Variants in DPY19L2 observed in about 807,000 individuals in gnomAD.
DPY19L2 encodes probable C-mannosyltransferase DPY19L2.
DPY19L2 carries 34 observed loss-of-function variants against 97.9 expected under a neutral mutation model. That is an observed-to-expected ratio of 0.35 (90% CI 0.26 to 0.46). The LOEUF (loss-of-function observed/expected upper bound fraction) is 0.46. DPY19L2 is among the 20% of genes least tolerant of loss of function. DPY19L2 has a pLI of 1.00. For missense variants in DPY19L2, 623 were observed against 911.4 expected (o/e 0.68, Z 4.07); for synonymous variants, 230 against 307.9 (o/e 0.75, Z 2.65).
At chr12:63,621,158 A>G (rs1888635207) in intron 9 of DPY19L2, 80 bp downstream of exon 9, 1 of 1,176,608 alleles carries the variant, frequency 8.5e-7, no homozygotes, top group Non-Finnish European at 1.2e-6. Flanking sequence ...ACATTTACCT[A>G]CATAACAAAC....
intron 11 of DPY19L2, among the ~76,000 whole-genome samples, chr12:63,609,135 A>T (rs1346752228): frequency 2.0e-5 from 3 of 152,154 alleles, no homozygotes; most frequent in African/African-American, 4.8e-5. Flanking sequence ...TAGAAAAAAT[A>T]TTATTTTTAA....
intron 18 of DPY19L2, among the ~76,000 whole-genome samples, chr12:63,581,543 G>A (rs1880916160): frequency 7.1e-6 from 1 of 140,038 alleles, no homozygotes; most frequent in South Asian, 2.4e-4. Context: ...TAATGCAGTG[G>A]TGTGACCTCA....
At chr12:63,636,636 T>C (rs185905265) in intron 6 of DPY19L2, among the ~76,000 whole-genome samples, 3 of 152,228 alleles carry the variant, frequency 2.0e-5, no homozygotes, top group Admixed American at 6.5e-5. Context: ...GTTGCAATCC[T>C]AGTCTCTGAT....
At chr12:63,637,396 C>G (rs1422472951) in intron 6 of DPY19L2, among the ~76,000 whole-genome samples, 8 of 151,770 alleles carry the variant, frequency 5.3e-5, no homozygotes, top group Non-Finnish European at 1.2e-4. Context: ...ACACAAAAAA[C>G]TCTTTAAAAA....
intron 15 of DPY19L2, among the ~76,000 whole-genome samples, chr12:63,594,650 GTC>G (rs146520521): frequency 0.08 from 9,039 of 113,426 alleles, 523 homozygotes; most frequent in African/African-American, 0.26. Flanking sequence ...GTGTGTGCGT[GTC>G]TGTGTGTGTG....
chr12:63,653,998 A>T (rs537915808), intron 4 of DPY19L2, among the ~76,000 whole-genome samples: 25 of 152,018 alleles, frequency 1.6e-4, no homozygotes, highest in Non-Finnish European at 3.5e-4. Flanking sequence ...AAACTAAAAA[A>T]AAATAAAAAT....
chr12:63,597,097 T>C (rs1884381141), intron 14 of DPY19L2, among the ~76,000 whole-genome samples: 1 of 151,864 alleles, frequency 6.6e-6, no homozygotes, highest in African/African-American at 2.4e-5. Flanking sequence ...CTCAGCCTCC[T>C]ACTCAGGCTG....
At chr12:63,649,763 T>C (rs1293951070) in intron 4 of DPY19L2, among the ~76,000 whole-genome samples, 2 of 152,144 alleles carry the variant, frequency 1.3e-5, no homozygotes, top group Admixed American at 6.5e-5. Flanking sequence ...GGAGAGCGGA[T>C]ACCAATCATA....
intron 4 of DPY19L2, among the ~76,000 whole-genome samples, chr12:63,652,491 T>C (rs1212323116): frequency 6.6e-6 from 1 of 152,188 alleles, no homozygotes; most frequent in Non-Finnish European, 1.5e-5. Flanking sequence ...ACTGCAGCAC[T>C]ACTCACAATA....
intron 4 of DPY19L2, among the ~76,000 whole-genome samples, chr12:63,652,581 T>C (rs1196866689): frequency 1.3e-5 from 2 of 152,168 alleles, no homozygotes; most frequent in African/African-American, 4.8e-5. Flanking sequence ...ACCCCATGAA[T>C]ATTATGCAGC....
chr12:63,572,150 G>A (rs905869913), intron 19 of DPY19L2, among the ~76,000 whole-genome samples: 7 of 152,174 alleles, frequency 4.6e-5, no homozygotes, highest in Non-Finnish European at 8.8e-5. Context: ...TGGCTCTTGG[G>A]TGGCATTTCT....
At chr12:63,618,775 T>C (rs1888233123) in intron 9 of DPY19L2, among the ~76,000 whole-genome samples, 1 of 152,152 alleles carries the variant, frequency 6.6e-6, no homozygotes, top group Admixed American at 6.6e-5. Context: ...CAGTGCTTTT[T>C]ACTCGCCTCT....
chr12:63,633,780 C>A (rs994081121), intron 6 of DPY19L2, among the ~76,000 whole-genome samples: 1 of 152,082 alleles, frequency 6.6e-6, no homozygotes, highest in Non-Finnish European at 1.5e-5. Flanking sequence ...TTTATTGTGG[C>A]ACTATTCACA....
intron 6 of DPY19L2, among the ~76,000 whole-genome samples, chr12:63,629,249 C>T (rs1890143862): frequency 6.6e-6 from 1 of 152,038 alleles, no homozygotes; most frequent in African/African-American, 2.4e-5. Flanking sequence ...AAGAAGGCTT[C>T]AGATGATCGA....
At position 63,580,794 on chromosome 12, in the gene DPY19L2, T is replaced by A. The variant is rs181185180; in HGVS notation, c.1768A>T (p.Ile590Phe). 4 of 1,613,356 alleles carry A rather than the reference T, an allele frequency of 2.5e-6. No homozygotes were observed. The Admixed American group carries it at 6.7e-5, about 27-fold the overall frequency. Residue 590 changes from isoleucine (I) to phenylalanine (F), a missense_variant, in exon 19 of 22, where the codon ATC becomes TTC. Ile to Phe is a conservative substitution (Grantham distance 21). This residue lies in a region of DPY19L2 where 294 missense variants were observed against 446.2 expected (regional missense o/e 0.66). Transcript: ENST00000324472. ...LFRRVRFEKVIFGILTVMSIQ... is the reference protein window; with the variant it reads ...LFRRVRFEKVFFGILTVMSIQ... Reference sequence around the variant, plus strand: ...GACATCACTGTTAAAATGCCAAAGATAACCTTCTCAAAACGAACTCTGCGA... The same window carrying A: ...GACATCACTGTTAAAATGCCAAAGAAAACCTTCTCAAAACGAACTCTGCGA...
chr12:63,663,865 CAT>C lies in DPY19L2; in HGVS notation c.363-22_363-21del, dbSNP rs1225240344. The stretch of plus-strand genomic sequence containing the variant: ...TGTAACCTAGAAAAAAATGAAGTAT[CAT>C]ATTACAATAAGAACGAGTTTCAAAA... On this transcript the variant is annotated intron_variant, in intron 2 of 21. Transcript: ENST00000324472. 6.5e-7 allele frequency: 1 copy of C among 1,529,784 alleles called. No homozygotes were observed. Among genetic ancestry groups the C allele is most frequent in the East Asian group, 2.3e-5 (1 of 43,396 alleles). 94.8% of individuals were successfully genotyped at this position (1,529,784 alleles called of 1,614,324 possible).
intron 7 of DPY19L2, among the ~76,000 whole-genome samples, chr12:63,625,602 G>A (rs1337376791): frequency 6.6e-6 from 1 of 152,024 alleles, no homozygotes; most frequent in African/African-American, 2.4e-5. Context: ...CTCTTTTTTA[G>A]GTGGACTATG....
At chr12:63,592,130 A>T (rs1883195505) in intron 16 of DPY19L2, among the ~76,000 whole-genome samples, 2 of 147,870 alleles carry the variant, frequency 1.4e-5, no homozygotes, top group South Asian at 4.5e-4. Flanking sequence ...GAAAGACAAG[A>T]CAAGACAGAG....
chr12:63,633,585 G>C lies in DPY19L2; in HGVS notation c.804-7059C>G, dbSNP rs571799738. 2.4e-4 allele frequency among the ~76,000 whole-genome samples: 36 copies of C among 152,260 alleles called. 1 individual carries two copies. The South Asian group carries it at 7.3e-3, about 31-fold the overall frequency. Reference sequence around the variant, plus strand: ...AACAACAGGTGCTGGAGAGGATGTGGAGAAATAGGAACACTTTTACACTGT... The same window carrying C: ...AACAACAGGTGCTGGAGAGGATGTGCAGAAATAGGAACACTTTTACACTGT... On this transcript the variant is annotated intron_variant, in intron 6 of 21. Coordinates refer to ENST00000324472, the MANE Select transcript of DPY19L2 (RefSeq NM_173812.5).
Sources: allele counts gnomAD v4.1 joint callset (sites outside exome capture counted in the v4.1 genomes callset), GRCh38; gene constraint gnomAD v4.1.1; regional missense constraint gnomAD v4.1.1; transcripts MANE v1.5; gene names NCBI Gene and HGNC (gene_info 2026-07-23, HGNC 2026-07-21).